DCLK1: variants seen among roughly 807,000 people sequenced by gnomAD.
DCLK1 encodes doublecortin like kinase 1, also known as serine/threonine-protein kinase DCLK1.
A neutral mutation model predicts 86.2 loss-of-function variants in DCLK1; 16 were observed. The observed-to-expected ratio is 0.19, with a 90% CI of 0.13 to 0.28. The LOEUF is 0.28. DCLK1 is among the 10% of genes least tolerant of loss of function. The probability of loss-of-function intolerance (pLI) is 1.00; values close to 1 mark genes in which losing one functional copy is unlikely to be tolerated. For synonymous variants in DCLK1, 369 were observed against 370.5 expected (o/e 1.00, Z 0.05); for missense variants, 590 against 940.2 (o/e 0.63, Z 4.87).
intron 3 of DCLK1, among the ~76,000 whole-genome samples, chr13:35,957,728 A>G (rs1205852534): frequency 6.6e-6 from 1 of 152,162 alleles, no homozygotes; most frequent in African/African-American, 2.4e-5. Flanking sequence ...TTAACGTTAA[A>G]GTATTGAGTC....
At chr13:36,115,105 G>A (rs1013762317) in intron 2 of DCLK1, among the ~76,000 whole-genome samples, 5 of 152,150 alleles carry the variant, frequency 3.3e-5, no homozygotes, top group Admixed American at 2.0e-4. Context: ...GGATGAGGCT[G>A]CAGTGAGCCA....
chr13:35,808,268 C>T lies in DCLK1; in HGVS notation c.1819G>A (p.Asp607Asn). Reference protein sequence around the residue: ...LFDQILMGQVDFPSPYWDNVS... With the variant: ...LFDQILMGQVNFPSPYWDNVS... ...TTATCCCAGTATGGAGAAGGAAAGTCCACCTGCCCCATCAAAATCTGATCA... is the reference window on the plus strand; with the variant it reads ...TTATCCCAGTATGGAGAAGGAAAGTTCACCTGCCCCATCAAAATCTGATCA... The change falls in exon 14 of 17, where the codon GAC becomes AAC. Residue 607 changes from aspartate (D) to asparagine (N), a missense_variant. Coordinates refer to ENST00000360631, the MANE Select transcript of DCLK1 (RefSeq NM_001330071.2). 1 of 1,614,046 alleles carries T rather than the reference C, an allele frequency of 6.2e-7. No homozygotes were observed. The highest frequency in any genetic ancestry group is 8.5e-7 in the Non-Finnish European group (1 of 1,179,980).
chr13:35,795,826 T>C (rs947078078), intron 15 of DCLK1, among the ~76,000 whole-genome samples: 1 of 149,164 alleles, frequency 6.7e-6, no homozygotes, highest in African/African-American at 2.5e-5. Context: ...CTCAGGAGGC[T>C]GAGACGGGAG....
At chr13:35,834,668 C>T (rs1001438003) in intron 8 of DCLK1, among the ~76,000 whole-genome samples, 1 of 152,178 alleles carries the variant, frequency 6.6e-6, no homozygotes, top group Non-Finnish European at 1.5e-5. Context: ...CCATGTTTGG[C>T]ACAAATGTGC....
At position 35,952,752 on chromosome 13, in the gene DCLK1, C is replaced by CTAACTCCAATGTTGAATTTTTTT. The variant is rs1340892780; in HGVS notation, c.724-5318_724-5296dup. ...AGTGCTTTGGTTATTATACGGAAAT[C>CTAACTCCAATGTTGAATTTTTTT]TAACTCCAATGTTGAATTTTTTTTA... On this transcript the variant is annotated intron_variant, in intron 3 of 16. Coordinates refer to ENST00000360631, the MANE Select transcript of DCLK1 (RefSeq NM_001330071.2). Among the ~76,000 whole-genome samples the CTAACTCCAATGTTGAATTTTTTT allele has an allele frequency of 6.6e-5, 10 of 152,292 alleles. 1 individual carries two copies. The East Asian group carries it at 1.5e-3, about 23-fold the overall frequency.
At chr13:35,966,533 C>T (rs902327687) in intron 3 of DCLK1, among the ~76,000 whole-genome samples, 1 of 130,756 alleles carries the variant, frequency 7.6e-6, no homozygotes, top group Non-Finnish European at 1.6e-5. Flanking sequence ...TCCCTCTTTG[C>T]ACGGTCTCCC....
At chr13:36,054,118 A>C (rs1230632827) in intron 3 of DCLK1, among the ~76,000 whole-genome samples, 1 of 152,116 alleles carries the variant, frequency 6.6e-6, no homozygotes, top group African/African-American at 2.4e-5. Flanking sequence ...GTCTTTTTTC[A>C]GGGTAAAGGG....
intron 11 of DCLK1, among the ~76,000 whole-genome samples, chr13:35,821,518 C>T (rs1191931515): frequency 6.6e-6 from 1 of 152,060 alleles, no homozygotes; most frequent in African/African-American, 2.4e-5. Flanking sequence ...GACCACCCTG[C>T]AGAAACACTA....
chr13:35,890,108 A>AT (rs1281512411), intron 4 of DCLK1, among the ~76,000 whole-genome samples: 3 of 152,086 alleles, frequency 2.0e-5, no homozygotes, highest in Admixed American at 2.0e-4. Context: ...ATGTTCTTGC[A>AT]TTTTAAAACA....
intron 6 of DCLK1, chr13:35,846,553 G>A: frequency 1.1e-5 from 11 of 985,246 alleles, no homozygotes; most frequent in Non-Finnish European, 1.2e-5. Context: ...TATAGTGAGG[G>A]CCTCTGATTT....
chr13:35,980,138 A>G (rs1879560110), intron 3 of DCLK1, among the ~76,000 whole-genome samples: 2 of 152,210 alleles, frequency 1.3e-5, no homozygotes, highest in Non-Finnish European at 2.9e-5. Context: ...CATCTTGTGA[A>G]AATGAAACTC....
chr13:35,846,135 C>T (rs762001105), intron 6 of DCLK1: 145 of 984,942 alleles, frequency 1.5e-4, no homozygotes, highest in Non-Finnish European at 1.6e-4. Context: ...AAATATATTG[C>T]TGTGTCAAAT....
intron 4 of DCLK1, among the ~76,000 whole-genome samples, chr13:35,917,156 C>T (rs867792942): frequency 5.3e-5 from 8 of 152,178 alleles, no homozygotes; most frequent in Admixed American, 3.9e-4. Context: ...CAAAAACACA[C>T]AGGTTGAACT....
chr13:35,787,098 T>C lies in DCLK1; in HGVS notation c.2058+6268A>G, dbSNP rs567580756. Among the ~76,000 whole-genome samples the C allele has an allele frequency of 7.1e-4, 107 of 150,674 alleles. 1 individual carries two copies. The highest frequency in any genetic ancestry group is 3.9e-3 in the Admixed American group (59 of 15,052). On this transcript the variant is annotated intron_variant, in intron 16 of 16. Coordinates refer to ENST00000360631, the MANE Select transcript of DCLK1 (RefSeq NM_001330071.2). ...CATATATATATATTATATATATATATACACACACATACACATTATGTATAA... is the reference window on the plus strand; with the variant it reads ...CATATATATATATTATATATATATACACACACACATACACATTATGTATAA...
chr13:35,834,623 G>T (rs536349020), intron 8 of DCLK1, among the ~76,000 whole-genome samples: 1 of 152,348 alleles, frequency 6.6e-6, no homozygotes, highest in East Asian at 1.9e-4. Flanking sequence ...TCCTGCTTTG[G>T]GAGGTGTGAG....
At chr13:35,818,203 G>T (rs1278091625) in intron 11 of DCLK1, among the ~76,000 whole-genome samples, 2 of 152,152 alleles carry the variant, frequency 1.3e-5, no homozygotes, top group South Asian at 2.1e-4. Context: ...TTCTCTCTGT[G>T]GCACTCATCT....
intron 6 of DCLK1, chr13:35,846,557 C>T: frequency 1.0e-6 from 1 of 985,288 alleles, no homozygotes; most frequent in Non-Finnish European, 1.2e-6. Flanking sequence ...GTGAGGGCCT[C>T]TGATTTCCTC....
chr13:35,944,863 T>C (rs1877277596), intron 4 of DCLK1, among the ~76,000 whole-genome samples: 1 of 152,076 alleles, frequency 6.6e-6, no homozygotes, highest in Non-Finnish European at 1.5e-5. Context: ...TGTGTGCATA[T>C]CTCCGTATAT....
At chr13:35,786,347 T>C (rs1287753636) in intron 16 of DCLK1, among the ~76,000 whole-genome samples, 3 of 152,246 alleles carry the variant, frequency 2.0e-5, no homozygotes, top group Non-Finnish European at 2.9e-5. Context: ...TTTAATTGTA[T>C]ATTAACTTTA....
Sources: allele counts gnomAD v4.1 joint callset (sites outside exome capture counted in the v4.1 genomes callset), GRCh38; gene constraint gnomAD v4.1.1; transcripts MANE v1.5; gene names NCBI Gene and HGNC (gene_info 2026-07-23, HGNC 2026-07-21).